Variants in SLC24A3 observed in about 807,000 individuals in gnomAD.
SLC24A3 encodes the protein solute carrier family 24 member 3, also known as sodium/potassium/calcium exchanger 3.
Under a neutral mutation model 75.8 loss-of-function variants are expected in SLC24A3, and 28 were observed. The ratio of observed to expected loss-of-function variants is 0.37; its 90% confidence interval spans 0.27 to 0.51. The LOEUF is 0.51. Among genes scored for constraint, SLC24A3 ranks in the 20% least tolerant of loss-of-function variants. The pLI is 0.94. For missense variants in SLC24A3, 663 were observed against 847.8 expected (o/e 0.78, Z 2.71); for synonymous variants, 372 against 334.1 (o/e 1.11, Z -1.24).
At chr20:19,351,572 T>A (rs1253008965) in intron 2 of SLC24A3, among the ~76,000 whole-genome samples, 1 of 152,142 alleles carries the variant, frequency 6.6e-6, no homozygotes, top group Non-Finnish European at 1.5e-5. Flanking sequence ...CCCTTGTGTG[T>A]CCAACAACAG....
At chr20:19,379,298 G>A (rs1986141878) in intron 2 of SLC24A3, among the ~76,000 whole-genome samples, 1 of 152,164 alleles carries the variant, frequency 6.6e-6, no homozygotes, top group South Asian at 2.1e-4. Flanking sequence ...ATGTGTTTCT[G>A]CCTTCAGGGA....
intron 8 of SLC24A3, 102 bp from the exon 9 acceptor site, chr20:19,673,499 T>TTAC (rs2032491988): frequency 1.4e-5 from 14 of 988,646 alleles, no homozygotes; most frequent in Non-Finnish European, 2.1e-5. Context: ...TGCCTTCTCC[T>TTAC]TACTATCCTG....
At chr20:19,576,857 A>G (rs2031143314) in intron 3 of SLC24A3, among the ~76,000 whole-genome samples, 1 of 152,076 alleles carries the variant, frequency 6.6e-6, no homozygotes. Flanking sequence ...TTAGATCTTG[A>G]TTAATCTACA....
chr20:19,428,839 T>C (rs1016078300), intron 2 of SLC24A3, among the ~76,000 whole-genome samples: 4 of 152,196 alleles, frequency 2.6e-5, no homozygotes, highest in Admixed American at 6.5e-5. Flanking sequence ...GAAGAGGCTT[T>C]ATGCAAGTAA....
chr20:19,256,358 G>A (rs1270264795), intron 1 of SLC24A3, among the ~76,000 whole-genome samples: 3 of 152,158 alleles, frequency 2.0e-5, no homozygotes, highest in African/African-American at 7.2e-5. Context: ...GCTGCTAATG[G>A]ATGCAAAGTG....
At chr20:19,699,710 G>A (rs544783916) in intron 15 of SLC24A3, among the ~76,000 whole-genome samples, 3 of 152,336 alleles carry the variant, frequency 2.0e-5, no homozygotes, top group African/African-American at 4.8e-5. Flanking sequence ...GAAGCCCAGC[G>A]TGGTCAGCTG....
At chr20:19,570,865 T>C (rs1376416588) in intron 3 of SLC24A3, among the ~76,000 whole-genome samples, 1 of 152,170 alleles carries the variant, frequency 6.6e-6, no homozygotes, top group African/African-American at 2.4e-5. Context: ...TTTGCATCCT[T>C]AGCAAACTCA....
intron 1 of SLC24A3, among the ~76,000 whole-genome samples, chr20:19,266,585 C>A (rs144363483): frequency 2.2e-3 from 328 of 152,304 alleles, no homozygotes; most frequent in African/African-American, 7.7e-3. Flanking sequence ...TTTATCCAAT[C>A]ACAAAGGATG....
intron 15 of SLC24A3, among the ~76,000 whole-genome samples, chr20:19,712,503 A>T (rs1410637198): frequency 6.6e-6 from 1 of 151,848 alleles, no homozygotes; most frequent in African/African-American, 2.4e-5. Flanking sequence ...AGGAGGTGAG[A>T]CCCCCACCTA....
In SLC24A3 at chr20:19,504,919, TG is replaced by T. The variant is rs34393311; in HGVS notation, c.272-10566del. On this transcript the variant is annotated intron_variant, in intron 2 of 16. Coordinates refer to ENST00000328041, the MANE Select transcript of SLC24A3 (RefSeq NM_020689.4). ...CCTATCTGCTGCCATGTTTGTGGCC[TG>T]GGAAAACTACATTATTCATGAGATT... is the stretch of plus-strand genomic sequence containing the variant. Among the ~76,000 whole-genome samples the T allele has an allele frequency of 3.3e-5, 5 of 152,356 alleles. No individual in the cohort carries two copies. In the East Asian group the frequency reaches 9.6e-4, roughly 29 times the overall value.
intron 6 of SLC24A3, among the ~76,000 whole-genome samples, chr20:19,626,998 A>G (rs921238417): frequency 6.6e-6 from 1 of 152,248 alleles, no homozygotes; most frequent in African/African-American, 2.4e-5. Context: ...ACAAGGTTAT[A>G]CAAACTGGTA....
chr20:19,437,704 T>G (rs1987229772), intron 2 of SLC24A3, among the ~76,000 whole-genome samples: 2 of 152,236 alleles, frequency 1.3e-5, no homozygotes, highest in Admixed American at 6.5e-5. Context: ...TGCCCTGCAG[T>G]TCTCTATAGC....
chr20:19,392,537 GTGCTGACCAAGCAAGA>G (rs1439169019), intron 2 of SLC24A3, among the ~76,000 whole-genome samples: 2 of 152,160 alleles, frequency 1.3e-5, no homozygotes, highest in African/African-American at 4.8e-5. Flanking sequence ...TTGTGGGAGA[GTGCTGACCAAGCAAGA>G]TTTCTCTCAA....
At chr20:19,665,756 C>T in intron 7 of SLC24A3, 108 bp from the exon 8 acceptor site, 1 of 1,377,584 alleles carries the variant, frequency 7.3e-7, no homozygotes, top group Non-Finnish European at 9.7e-7. Flanking sequence ...TTACACCATC[C>T]CAGGAACAAG....
intron 2 of SLC24A3, among the ~76,000 whole-genome samples, chr20:19,376,738 C>T (rs2122365095): frequency 6.6e-6 from 1 of 152,208 alleles, no homozygotes; most frequent in South Asian, 2.1e-4. Flanking sequence ...AAACTTCCCT[C>T]TTGATCCAGT....
chr20:19,592,808 T>C (rs957873640), intron 6 of SLC24A3, among the ~76,000 whole-genome samples: 9 of 149,226 alleles, frequency 6.0e-5, no homozygotes, highest in Admixed American at 4.7e-4. Flanking sequence ...TTTTTTTTTT[T>C]TTTTTGAGAT....
intron 15 of SLC24A3, among the ~76,000 whole-genome samples, chr20:19,702,973 T>A (rs2032891068): frequency 6.6e-6 from 1 of 152,230 alleles, no homozygotes; most frequent in South Asian, 2.1e-4. Flanking sequence ...TAAGTAATGC[T>A]AACTTCCACT....
chr20:19,605,591 A>C (rs1175216278), intron 6 of SLC24A3, among the ~76,000 whole-genome samples: 1 of 152,172 alleles, frequency 6.6e-6, no homozygotes, highest in Non-Finnish European at 1.5e-5. Flanking sequence ...TTGTTCATTC[A>C]GAGCTGTAAC....
intron 6 of SLC24A3, among the ~76,000 whole-genome samples, chr20:19,639,935 G>T (rs571108408): frequency 6.6e-6 from 1 of 152,262 alleles, no homozygotes; most frequent in Admixed American, 6.5e-5. Context: ...CGAGTGCGGG[G>T]GCTGCCAAGA....
Sources: allele counts gnomAD v4.1 joint callset (sites outside exome capture counted in the v4.1 genomes callset), GRCh38; gene constraint gnomAD v4.1.1; transcripts MANE v1.5; gene names NCBI Gene and HGNC (gene_info 2026-07-23, HGNC 2026-07-21).